CYB5A: variants seen among roughly 807,000 people sequenced by gnomAD.
The protein encoded by CYB5A is cytochrome b5 type A.
A neutral mutation model predicts 16.2 loss-of-function variants in CYB5A; 10 were observed. The ratio of observed to expected loss-of-function variants is 0.62; its 90% CI spans 0.38 to 1.04. The LOEUF (loss-of-function observed/expected upper bound fraction) is 1.04, where lower values mean the gene tolerates loss of function less well. CYB5A is among the 50% of genes least tolerant of loss of function. CYB5A has a pLI of 0.01. For missense variants in CYB5A, 161 were observed against 165.9 expected, an observed-to-expected ratio of 0.97 and a Z score of 0.16; for synonymous variants, 62 against 57.0, an observed-to-expected ratio of 1.09 and a Z score of -0.40.
At chr18:74,289,939 T>A (rs1983470042) in intron 1 of CYB5A, among the ~76,000 whole-genome samples, 1 of 152,118 alleles carries the variant, frequency 6.6e-6, no homozygotes, top group Non-Finnish European at 1.5e-5. Context: ...AAACTCGCTT[T>A]AGGAGAAGAC....
At chr18:74,269,508 A>G (rs1275163500) in intron 1 of CYB5A, among the ~76,000 whole-genome samples, 1 of 136,274 alleles carries the variant, frequency 7.3e-6, no homozygotes, top group Non-Finnish European at 1.7e-5. Flanking sequence ...TCCCTCCCAC[A>G]CACAGCAGCT....
intron 1 of CYB5A, among the ~76,000 whole-genome samples, chr18:74,288,681 T>G (rs962717782): frequency 2.4e-4 from 36 of 152,000 alleles, no homozygotes; most frequent in African/African-American, 8.7e-4. Context: ...TCTGAGCGAG[T>G]GAGCTTATTG....
chr18:74,281,217 T>C (rs939131490), intron 1 of CYB5A, among the ~76,000 whole-genome samples: 3 of 152,156 alleles, frequency 2.0e-5, no homozygotes, highest in African/African-American at 4.8e-5. Flanking sequence ...GATGGGGACA[T>C]GCAGAGGGAG....
chr18:74,279,569 A>AAG (rs1568223020), intron 1 of CYB5A, among the ~76,000 whole-genome samples: 1 of 151,986 alleles, frequency 6.6e-6, no homozygotes, highest in Non-Finnish European at 1.5e-5. Flanking sequence ...ATAAAAAACA[A>AAG]AAGAGATAAT....
rs1266484372 is a variant in CYB5A at position 74,251,795 on chromosome 18, C to T, written c.*1789G>A. On this transcript the variant is annotated 3_prime_UTR_variant, in exon 5 of 5. Coordinates refer to ENST00000340533, the MANE Select transcript of CYB5A (RefSeq NM_148923.4). ...TCCCAAAACACATGAAGAAACATTG[C>T]CAGCCACAGCAGCAAATTGCTGAGT... The T allele has an allele frequency of 6.6e-6, 1 of 152,158 alleles. No individual in the cohort carries two copies. Among genetic ancestry groups the T allele is most frequent in the Non-Finnish European group, 1.5e-5 (1 of 68,014 alleles). 9.4% of individuals were successfully genotyped at this position (152,158 alleles called of 1,614,324 possible). A position where few individuals can be genotyped will look rare whatever the true frequency, so the allele number is the denominator to read the frequency against.
intron 1 of CYB5A, among the ~76,000 whole-genome samples, chr18:74,268,010 C>T (rs892876336): frequency 3.3e-5 from 5 of 152,194 alleles, no homozygotes; most frequent in South Asian, 2.1e-4. Context: ...AACGGTCTTC[C>T]GTCTTTCCAG....
chr18:74,268,513 G>C (rs1045112725), intron 1 of CYB5A, among the ~76,000 whole-genome samples: 2 of 152,290 alleles, frequency 1.3e-5, no homozygotes, highest in East Asian at 3.9e-4. Context: ...GGATCTAAGT[G>C]GGGGAGGTAA....
chr18:74,264,845 A>G (rs549782964), intron 1 of CYB5A, among the ~76,000 whole-genome samples: 1 of 152,290 alleles, frequency 6.6e-6, no homozygotes, highest in African/African-American at 2.4e-5. Flanking sequence ...TAGTCACAGG[A>G]CAGAGGTAAG....
intron 1 of CYB5A, among the ~76,000 whole-genome samples, chr18:74,264,493 G>A (rs112991566): frequency 1.4e-3 from 2 of 1,452 alleles, no homozygotes; most frequent in Non-Finnish European, 0.056. Flanking sequence ...CAAGAGGCAC[G>A]TGTGTCACTT....
At chr18:74,280,615 A>C (rs1175221896) in intron 1 of CYB5A, among the ~76,000 whole-genome samples, 1 of 151,716 alleles carries the variant, frequency 6.6e-6, no homozygotes, top group Non-Finnish European at 1.5e-5. Context: ...TTATATTTAG[A>C]TCTATGATCC....
intron 1 of CYB5A, among the ~76,000 whole-genome samples, chr18:74,286,532 A>T (rs560725141): frequency 1.2e-4 from 18 of 152,358 alleles, no homozygotes; most frequent in Middle Eastern, 3.4e-3. Context: ...TCTCACATAT[A>T]TCATTTCTCC....
At chr18:74,260,485 G>T (rs1982155333) in intron 3 of CYB5A, 3 of 271,120 alleles carry the variant, frequency 1.1e-5, no homozygotes, top group East Asian at 2.0e-4. Context: ...AGTATTTATT[G>T]AACACCTACT....
intron 1 of CYB5A, among the ~76,000 whole-genome samples, chr18:74,276,528 G>GCGCACACA (rs74178973): frequency 6.9e-6 from 1 of 144,942 alleles, no homozygotes; most frequent in Admixed American, 6.9e-5. Flanking sequence ...AAAAGATTCA[G>GCGCACACA]CACACACACA....
intron 3 of CYB5A, chr18:74,256,499 A>C (rs1599244672): frequency 2.8e-6 from 1 of 360,722 alleles, no homozygotes; most frequent in East Asian, 4.8e-5. Context: ...AAGTGAATGG[A>C]CAATGGTTCT....
chr18:74,268,898 A>T (rs961583880), intron 1 of CYB5A, among the ~76,000 whole-genome samples: 1 of 151,016 alleles, frequency 6.6e-6, no homozygotes, highest in African/African-American at 2.4e-5. Context: ...GCTTTTGCGA[A>T]ATCTCCACTT....
At chr18:74,291,411 C>A (rs1360654724) in intron 1 of CYB5A, among the ~76,000 whole-genome samples, 1 of 78,840 alleles carries the variant, frequency 1.3e-5, no homozygotes, top group Non-Finnish European at 3.0e-5. Flanking sequence ...CGCAGGTGTG[C>A]GGACTCAGGG....
chr18:74,261,941 G>A (rs1474780067), intron 2 of CYB5A, among the ~76,000 whole-genome samples: 1 of 152,162 alleles, frequency 6.6e-6, no homozygotes, highest in Non-Finnish European at 1.5e-5. Flanking sequence ...CCACAAGTGG[G>A]AAGGCAGGAC....
In CYB5A at chr18:74,255,944, T is replaced by C. The variant is rs1981961413; in HGVS notation, c.289-169A>G. 4.9e-6 allele frequency: 3 copies of C among 609,464 alleles called. No homozygotes were observed. In the South Asian group the frequency reaches 6.0e-5, roughly 12 times the overall value. 37.8% of individuals were successfully genotyped at this position (609,464 alleles called of 1,614,324 possible). A position where few individuals can be genotyped will look rare whatever the true frequency, so the allele number is the denominator to read the frequency against. ...CTTTTCACTAAAATGCCTAACTTTGTTTTCTTCCAGAGTAAAACATTTTAA... is the reference window on the plus strand; with the variant it reads ...CTTTTCACTAAAATGCCTAACTTTGCTTTCTTCCAGAGTAAAACATTTTAA... On this transcript the variant is annotated intron_variant, in intron 3 of 4. Transcript: ENST00000340533.
At position 74,252,518 on chromosome 18, in the gene CYB5A, A is replaced by G. The variant is rs116110026; in HGVS notation, c.*1066T>C. 183 of 152,320 alleles carry G rather than the reference A, an allele frequency of 1.2e-3. No homozygotes were observed. The highest frequency in any genetic ancestry group is 4.3e-3 in the African/African-American group (180 of 41,574). The allele number at this position is 152,320 out of a possible 1,614,324, so 9.4% of individuals were successfully genotyped here. ...CTTTCCTTAGAAGAGTTTACAAACA[A>G]TTCTACTCTCTGAATGAGGAATTCT... On this transcript the variant is annotated 3_prime_UTR_variant, in exon 5 of 5. Coordinates refer to ENST00000340533, the MANE Select transcript of CYB5A (RefSeq NM_148923.4).
Sources: gnomAD v4.1 joint callset for allele counts (sites outside exome capture counted in the v4.1 genomes callset) on GRCh38, gnomAD v4.1.1 for gene constraint, MANE v1.5 for transcripts, NCBI Gene and HGNC (gene_info 2026-07-23, HGNC 2026-07-21) for gene names.